Variants in CPEB2 observed in about 807,000 individuals in gnomAD.
CPEB2 encodes the protein cytoplasmic polyadenylation element binding protein 2, also known as cytoplasmic polyadenylation element-binding protein 2.
CPEB2 carries 56 observed loss-of-function variants against 93.6 expected under a neutral mutation model. The ratio of observed to expected loss-of-function variants is 0.60; its 90% CI spans 0.48 to 0.75. The LOEUF (loss-of-function observed/expected upper bound fraction) is 0.75. Ranked by LOEUF, CPEB2 falls within the 30% of genes least tolerant of loss-of-function variation. The pLI, the probability that CPEB2 is intolerant of heterozygous loss-of-function variation, is 0.00. For missense variants in CPEB2, 1,579 were observed against 1,395.1 expected (o/e 1.13, Z -2.10); for synonymous variants, 764 against 586.3 (o/e 1.30, Z -4.38).
At chr4:15,005,248 A>G (rs1020488982) in intron 1 of CPEB2, 1 of 152,258 alleles carries the variant, frequency 6.6e-6, no homozygotes, top group African/African-American at 2.4e-5. Flanking sequence ...TGTTGGGGTC[A>G]TGTTTTGTGG....
intron 3 of CPEB2, among the ~76,000 whole-genome samples, chr4:15,016,210 T>C (rs1182517971): frequency 6.6e-6 from 1 of 152,044 alleles, no homozygotes; most frequent in African/African-American, 2.4e-5. Context: ...CCCCCACGTA[T>C]ACATAAGCTT....
At chr4:15,030,351 A>G (rs1725962527) in intron 4 of CPEB2, among the ~76,000 whole-genome samples, 1 of 152,086 alleles carries the variant, frequency 6.6e-6, no homozygotes, top group South Asian at 2.1e-4. Flanking sequence ...TGCCAGTGCT[A>G]CCTGCCAGTG....
chr4:15,058,524 T>G lies in CPEB2; in HGVS notation c.2565T>G (p.Thr855=). The change falls in exon 9 of 12, where the codon ACT becomes ACG. Residue 855 remains threonine (T), a synonymous_variant. Coordinates refer to ENST00000538197, the MANE Select transcript of CPEB2 (RefSeq NM_001177382.2). ...TCTATCTGTGTGTTTCTAGCCCTAC[T>G]ATCAAGGACAAACCAGTAAGTAAAT... ...GKLYLCVSSP[T]IKDKPVQIRP... The G allele has an allele frequency of 1.9e-6, 3 of 1,598,032 alleles. No homozygotes were observed. The highest frequency in any genetic ancestry group is 2.6e-6 in the Non-Finnish European group (3 of 1,166,432).
chr4:15,034,610 G>A (rs1160507534), intron 5 of CPEB2, among the ~76,000 whole-genome samples: 1 of 152,034 alleles, frequency 6.6e-6, no homozygotes, highest in African/African-American at 2.4e-5. Flanking sequence ...AGGTACTAGC[G>A]GGGAGAAAAA....
intron 10 of CPEB2, among the ~76,000 whole-genome samples, chr4:15,060,729 G>GTATT (rs1362184087): frequency 1.3e-5 from 2 of 152,052 alleles, no homozygotes; most frequent in African/African-American, 2.4e-5. Flanking sequence ...ATTTTTTTAT[G>GTATT]TATTTTTATG....
chr4:15,026,415 A>G (rs909638007), intron 4 of CPEB2, among the ~76,000 whole-genome samples: 1 of 152,016 alleles, frequency 6.6e-6, no homozygotes, highest in African/African-American at 2.4e-5. Flanking sequence ...TTTAGTAGAG[A>G]TGGGGTTTCA....
chr4:15,060,646 T>C (rs932023653), intron 10 of CPEB2, among the ~76,000 whole-genome samples: 5 of 152,112 alleles, frequency 3.3e-5, no homozygotes, highest in African/African-American at 9.7e-5. Context: ...GTGGTCTTGG[T>C]TTTGAACACA....
At chr4:15,025,939 T>G (rs1328728717) in intron 4 of CPEB2, among the ~76,000 whole-genome samples, 1 of 152,150 alleles carries the variant, frequency 6.6e-6, no homozygotes, top group Non-Finnish European at 1.5e-5. Flanking sequence ...TTTATCCTAA[T>G]GGGGTTATGC....
chr4:15,003,090 C>G lies in CPEB2; in HGVS notation c.417C>G (p.Asp139Glu), dbSNP rs770459742. 1.3e-5 allele frequency: 20 copies of G among 1,533,504 alleles called. No homozygotes were observed. The South Asian group carries it at 2.3e-4, about 17-fold the overall frequency. The allele number at this position is 1,533,504 out of a possible 1,614,324, so 95.0% of individuals were successfully genotyped here. Residue 139 changes from aspartate to glutamate, a missense_variant, in exon 1 of 12, where the codon GAC becomes GAG. Asp to Glu is a conservative substitution (Grantham distance 45). Transcript: ENST00000538197. ...AGVTHLLPSQ[D>E]FKPSLHHPSS... ...TGACCCACCTCCTCCCCTCCCAGGA[C>G]TTCAAACCGAGTCTGCACCACCCCT...
chr4:15,018,386 G>C (rs1241194274), intron 4 of CPEB2, among the ~76,000 whole-genome samples: 1 of 151,712 alleles, frequency 6.6e-6, no homozygotes, highest in Non-Finnish European at 1.5e-5. Flanking sequence ...TTGAGAAGCT[G>C]AGGGGATATT....
At chr4:15,029,139 G>A (rs746323055) in intron 4 of CPEB2, among the ~76,000 whole-genome samples, 11 of 151,992 alleles carry the variant, frequency 7.2e-5, no homozygotes, top group Non-Finnish European at 1.2e-4. Context: ...TAATACCTAA[G>A]TGCCTAGACA....
At chr4:15,053,561 T>A (rs1475660272) in intron 7 of CPEB2, among the ~76,000 whole-genome samples, 3 of 152,234 alleles carry the variant, frequency 2.0e-5, no homozygotes, top group Non-Finnish European at 4.4e-5. Context: ...ATGATTCAGA[T>A]ATCCACAAAC....
At chr4:15,044,853 GAGACC>G (rs1727505894) in intron 6 of CPEB2, among the ~76,000 whole-genome samples, 1 of 152,074 alleles carries the variant, frequency 6.6e-6, no homozygotes, top group African/African-American at 2.4e-5. Context: ...ACGGAGACCA[GAGACC>G]ATAGGGGATA....
Position 15,033,141 on chromosome 4 carries a change from C to G in CPEB2, c.2126-20C>G. The G allele has an allele frequency of 1.3e-6, 2 of 1,580,802 alleles. No individual in the cohort carries two copies. The highest frequency in any genetic ancestry group is 1.7e-6 in the Non-Finnish European group (2 of 1,155,426). Reference sequence around the variant, plus strand: ...AATAACTCCATAATCTTCAAACTCACCTTTCCTGTCTTTTTAAAGGTCGAT... The same window carrying G: ...AATAACTCCATAATCTTCAAACTCAGCTTTCCTGTCTTTTTAAAGGTCGAT... On this transcript the variant is annotated intron_variant, in intron 4 of 11. Transcript: ENST00000538197.
chr4:15,052,774 A>G (rs184984210), intron 7 of CPEB2, among the ~76,000 whole-genome samples, 190 bp downstream of exon 7: 82 of 152,106 alleles, frequency 5.4e-4, no homozygotes, highest in African/African-American at 1.8e-3. Context: ...AAGCTTTTTT[A>G]TTTTTCACTT....
chr4:15,063,993 T>C (rs1729454828), intron 11 of CPEB2: 1 of 152,110 alleles, frequency 6.6e-6, no homozygotes, highest in Admixed American at 6.6e-5. Flanking sequence ...CTTTCATCTC[T>C]CCAATATGAA....
At chr4:15,045,891 A>T (rs1168177022) in intron 6 of CPEB2, among the ~76,000 whole-genome samples, 2 of 152,210 alleles carry the variant, frequency 1.3e-5, no homozygotes, top group Non-Finnish European at 2.9e-5. Context: ...AGAAATGATT[A>T]GCTTTTTGTA....
chr4:15,031,910 G>A (rs1726146739), intron 4 of CPEB2, among the ~76,000 whole-genome samples: 1 of 152,022 alleles, frequency 6.6e-6, no homozygotes, highest in African/African-American at 2.4e-5. Context: ...GGCTTGCTGA[G>A]GTGGTAAAGG....
intron 2 of CPEB2, 33 bp downstream of exon 2, chr4:15,007,619 A>C: frequency 7.3e-7 from 1 of 1,363,504 alleles, no homozygotes; most frequent in South Asian, 1.9e-5. Flanking sequence ...CTTATCTCTA[A>C]TGTTAATCTT....
Sources: gnomAD v4.1 joint callset for allele counts (sites outside exome capture counted in the v4.1 genomes callset) on GRCh38, gnomAD v4.1.1 for gene constraint, MANE v1.5 for transcripts, NCBI Gene and HGNC (gene_info 2026-07-23, HGNC 2026-07-21) for gene names.